ADAMTS3: variants seen among roughly 807,000 people sequenced by gnomAD.
ADAMTS3 encodes ADAM metallopeptidase with thrombospondin type 1 motif 3.
A neutral mutation model predicts 129.0 loss-of-function variants in ADAMTS3; 73 were observed. The ratio of observed to expected loss-of-function variants is 0.57; its 90% confidence interval spans 0.47 to 0.69. The LOEUF (loss-of-function observed/expected upper bound fraction) is 0.69, where lower values mean the gene tolerates loss of function less well. ADAMTS3 is among the 30% of genes least tolerant of loss of function. The pLI is 0.00. For synonymous variants in ADAMTS3, 477 were observed against 510.8 expected (o/e 0.93, Z 0.89); for missense variants, 1,457 against 1,514.5 (o/e 0.96, Z 0.63).
intron 4 of ADAMTS3, among the ~76,000 whole-genome samples, chr4:72,347,179 T>A (rs1368303952): frequency 6.6e-6 from 1 of 151,962 alleles, no homozygotes; most frequent in Non-Finnish European, 1.5e-5. Flanking sequence ...ACTCCAATGA[T>A]GAGTATGAGC....
chr4:72,457,135 T>C (rs1265136410), intron 3 of ADAMTS3, among the ~76,000 whole-genome samples: 1 of 151,758 alleles, frequency 6.6e-6, no homozygotes, highest in Non-Finnish European at 1.5e-5. Flanking sequence ...AAATTAAAAT[T>C]AGTAAACAAA....
chr4:72,552,616 T>G (rs1354250620), intron 2 of ADAMTS3, among the ~76,000 whole-genome samples: 3 of 152,192 alleles, frequency 2.0e-5, no homozygotes, highest in Non-Finnish European at 2.9e-5. Flanking sequence ...CTTATCACTC[T>G]TCTCCTCAAA....
At chr4:72,480,042 A>G (rs1056240378) in intron 3 of ADAMTS3, among the ~76,000 whole-genome samples, 3 of 152,158 alleles carry the variant, frequency 2.0e-5, no homozygotes, top group Non-Finnish European at 4.4e-5. Context: ...AAGTCAGGAA[A>G]CAACAGGTGC....
intron 4 of ADAMTS3, among the ~76,000 whole-genome samples, chr4:72,393,658 T>G (rs188157659): frequency 1.3e-5 from 2 of 152,286 alleles, no homozygotes; most frequent in African/African-American, 4.8e-5. Flanking sequence ...CCTTTCCATA[T>G]ACAGAATATT....
At chr4:72,332,047 A>G (rs1578589253) in intron 5 of ADAMTS3, among the ~76,000 whole-genome samples, 1 of 152,298 alleles carries the variant, frequency 6.6e-6, no homozygotes, top group African/African-American at 2.4e-5. Context: ...GACTTTGCCT[A>G]TGGTAGGTTA....
chr4:72,352,911 G>C (rs995547624), intron 4 of ADAMTS3, among the ~76,000 whole-genome samples: 1 of 151,992 alleles, frequency 6.6e-6, no homozygotes, highest in African/African-American at 2.4e-5. Flanking sequence ...ACTAAGAGAG[G>C]TTGAAGCAAG....
At chr4:72,455,709 T>A (rs1718533917) in intron 3 of ADAMTS3, among the ~76,000 whole-genome samples, 1 of 147,732 alleles carries the variant, frequency 6.8e-6, no homozygotes, top group East Asian at 2.0e-4. Flanking sequence ...GTTAGTGATA[T>A]CTGTCGGCTT....
intron 4 of ADAMTS3, among the ~76,000 whole-genome samples, chr4:72,379,319 AG>A (rs1721215597): frequency 6.6e-6 from 1 of 152,096 alleles, no homozygotes; most frequent in South Asian, 2.1e-4. Context: ...CCGAGGCCAC[AG>A]GGGCAAGGCA....
At chr4:72,526,483 A>C (rs1411050228) in intron 3 of ADAMTS3, among the ~76,000 whole-genome samples, 1 of 151,260 alleles carries the variant, frequency 6.6e-6, no homozygotes, top group Non-Finnish European at 1.5e-5. Context: ...AATTTTCCTC[A>C]AAATATACTA....
intron 2 of ADAMTS3, among the ~76,000 whole-genome samples, chr4:72,558,404 G>T (rs1721819627): frequency 6.6e-6 from 1 of 151,540 alleles, no homozygotes; most frequent in Non-Finnish European, 1.5e-5. Context: ...AGCAACAGGG[G>T]ACTAAGTCCT....
chr4:72,515,267 G>A (rs540247172), intron 3 of ADAMTS3, among the ~76,000 whole-genome samples: 4 of 151,804 alleles, frequency 2.6e-5, no homozygotes, highest in African/African-American at 7.3e-5. Context: ...CCAAGTCTTT[G>A]CTATTGTGAA....
intron 20 of ADAMTS3, among the ~76,000 whole-genome samples, chr4:72,290,441 A>C (rs1193030908): frequency 5.3e-5 from 8 of 152,172 alleles, no homozygotes. Flanking sequence ...TAGGAGGCTC[A>C]AACAAGCATG....
rs527722103 is a variant in ADAMTS3, at chr4:72,407,127, A to G, written c.661+7688T>C. Among the ~76,000 whole-genome samples the G allele has an allele frequency of 2.6e-5, 4 of 152,272 alleles. No homozygotes were observed. In the East Asian group the frequency reaches 7.7e-4, roughly 29 times the overall value. ...AATTAGAAAGATCCATTTACTGTAC[A>G]TAGTAGTGATGTCCACAAGGGCTTC... On this transcript the variant is annotated intron_variant, in intron 4 of 21. Coordinates refer to ENST00000286657, the MANE Select transcript of ADAMTS3 (RefSeq NM_014243.3).
intron 3 of ADAMTS3, among the ~76,000 whole-genome samples, chr4:72,453,797 G>A (rs1224817856): frequency 6.6e-6 from 1 of 151,336 alleles, no homozygotes; most frequent in African/African-American, 2.4e-5. Context: ...TGGAAATTAA[G>A]TCATAATAAG....
rs551182274 is a variant in ADAMTS3 at position 72,291,988 on chromosome 4, G to A, written c.2724-926C>T. ...TTTCCTAAAGGATGATCTACAGAGG[G>A]TTTCTGAAACTCATCTTAAAGTTGC... On this transcript the variant is annotated intron_variant, in intron 19 of 21. Coordinates refer to ENST00000286657, the MANE Select transcript of ADAMTS3 (RefSeq NM_014243.3). 1.1e-3 allele frequency among the ~76,000 whole-genome samples: 166 copies of A among 152,272 alleles called. 1 individual carries two copies. Among genetic ancestry groups the A allele is most frequent in the African/African-American group, 3.9e-3 (161 of 41,550 alleles).
chr4:72,469,670 C>A (rs1482093039), intron 3 of ADAMTS3, among the ~76,000 whole-genome samples: 3 of 152,088 alleles, frequency 2.0e-5, no homozygotes, highest in Non-Finnish European at 4.4e-5. Flanking sequence ...CATGGATCTT[C>A]TGCCTTTGCC....
intron 12 of ADAMTS3, among the ~76,000 whole-genome samples, 189 bp from the exon 13 acceptor site, chr4:72,312,655 C>A (rs1168800127): frequency 6.6e-6 from 1 of 151,820 alleles, no homozygotes; most frequent in Non-Finnish European, 1.5e-5. Context: ...AAAAATAAAA[C>A]AAAACACAAA....
chr4:72,491,616 A>T (rs1000149250), intron 3 of ADAMTS3, among the ~76,000 whole-genome samples: 2 of 151,710 alleles, frequency 1.3e-5, no homozygotes, highest in African/African-American at 2.4e-5. Flanking sequence ...ATAATAGAAA[A>T]CTTCCACTTT....
chr4:72,394,715 ATCT>A (rs1467854524), intron 4 of ADAMTS3, among the ~76,000 whole-genome samples: 1 of 152,204 alleles, frequency 6.6e-6, no homozygotes, highest in Non-Finnish European at 1.5e-5. Context: ...TCACCAAAAC[ATCT>A]TCTAAAACTG....
Sources: gnomAD v4.1 joint callset for allele counts (sites outside exome capture counted in the v4.1 genomes callset) on GRCh38, gnomAD v4.1.1 for gene constraint, MANE v1.5 for transcripts, NCBI Gene and HGNC (gene_info 2026-07-23, HGNC 2026-07-21) for gene names.